The following TNRC6A variants were observed in gnomAD, a reference collection of about 807,000 sequenced individuals.
TNRC6A encodes the protein trinucleotide repeat-containing gene 6A protein.
TNRC6A carries 44 observed loss-of-function variants against 221.2 expected under a neutral mutation model. The ratio of observed to expected loss-of-function variants is 0.20; its 90% CI spans 0.16 to 0.26. The LOEUF (loss-of-function observed/expected upper bound fraction) is 0.26, where lower values mean the gene tolerates loss of function less well. TNRC6A is among the 10% of genes least tolerant of loss of function. The pLI is 1.00. For missense variants in TNRC6A, 2,199 were observed against 2,404.4 expected (o/e 0.91, Z 1.79); for synonymous variants, 847 against 838.5 (o/e 1.01, Z -0.18).
chr16:24,714,365 G>A (rs2056271018), intron 2 of TNRC6A, among the ~76,000 whole-genome samples: 1 of 130,134 alleles, frequency 7.7e-6, no homozygotes, highest in Non-Finnish European at 1.5e-5. Context: ...CTGGAGTGCA[G>A]TGGCGCAGTC....
intron 4 of TNRC6A, among the ~76,000 whole-genome samples, chr16:24,764,575 G>T (rs1013142941): frequency 1.3e-5 from 2 of 152,018 alleles, no homozygotes; most frequent in African/African-American, 4.8e-5. Flanking sequence ...CGCCCACCTA[G>T]CCTCCCAAAG....
At chr16:24,756,626 A>G (rs2057257670) in intron 3 of TNRC6A, among the ~76,000 whole-genome samples, 3 of 152,150 alleles carry the variant, frequency 2.0e-5, no homozygotes, top group Non-Finnish European at 4.4e-5. Flanking sequence ...TTTATGTTGT[A>G]AGGCCTAAAA....
chr16:24,655,561 T>C (rs1454840603), intron 2 of TNRC6A, among the ~76,000 whole-genome samples: 1 of 151,900 alleles, frequency 6.6e-6, no homozygotes, highest in African/African-American at 2.4e-5. Flanking sequence ...TGGTGGCACA[T>C]GTCTGTAATC....
chr16:24,731,547 C>T (rs915430126), intron 2 of TNRC6A, among the ~76,000 whole-genome samples: 1 of 152,094 alleles, frequency 6.6e-6, no homozygotes, highest in African/African-American at 2.4e-5. Context: ...GGTATATTTA[C>T]ATAAATTTTG....
At chr16:24,770,541 G>A (rs1054767749) in intron 4 of TNRC6A, among the ~76,000 whole-genome samples, 3 of 152,144 alleles carry the variant, frequency 2.0e-5, no homozygotes, top group Non-Finnish European at 4.4e-5. Flanking sequence ...ACTAGATACA[G>A]GGGAGTAGGG....
At chr16:24,709,877 G>A (rs976619755) in intron 2 of TNRC6A, among the ~76,000 whole-genome samples, 5 of 149,136 alleles carry the variant, frequency 3.4e-5, no homozygotes, top group Non-Finnish European at 5.9e-5. Flanking sequence ...ATTCCACTTC[G>A]ATGATTCTCT....
chr16:24,798,010 C>A, intron 11 of TNRC6A, 44 bp downstream of exon 11: 1 of 1,529,666 alleles, frequency 6.5e-7, no homozygotes, highest in Non-Finnish European at 9.0e-7. Flanking sequence ...TTGAGGGACA[C>A]GCACATCCAT....
intron 5 of TNRC6A, among the ~76,000 whole-genome samples, chr16:24,787,409 A>G (rs1237767174): frequency 6.6e-6 from 1 of 152,202 alleles, no homozygotes; most frequent in Non-Finnish European, 1.5e-5. Flanking sequence ...AAGTGAAGGT[A>G]ATACCTATCC....
At chr16:24,821,927 C>A in intron 22 of TNRC6A, 150 bp from the exon 23 acceptor site, 1 of 708,742 alleles carries the variant, frequency 1.4e-6, no homozygotes, top group Non-Finnish European at 2.5e-6. Context: ...ATGGCTAGGG[C>A]GAGCTGAAAT....
chr16:24,683,024 G>C (rs1174895001), intron 2 of TNRC6A, among the ~76,000 whole-genome samples: 1 of 152,212 alleles, frequency 6.6e-6, no homozygotes, highest in Non-Finnish European at 1.5e-5. Context: ...TCACCAGCTA[G>C]TTTTGGAGGC....
chr16:24,614,931 A>T (rs758224503), intron 1 of TNRC6A, among the ~76,000 whole-genome samples: 1 of 152,136 alleles, frequency 6.6e-6, no homozygotes, highest in Non-Finnish European at 1.5e-5. Context: ...TTAGCCAGGC[A>T]TGGTGACCGG....
Position 24,790,705 on chromosome 16 carries a change from G to A in TNRC6A, c.2063G>A (p.Gly688Glu). The A allele has an allele frequency of 6.8e-6, 11 of 1,614,146 alleles. No individual in the cohort carries two copies. Among genetic ancestry groups the A allele is most frequent in the Non-Finnish European group, 9.3e-6 (11 of 1,180,022 alleles). The change falls in exon 6 of 25, where the codon GGG becomes GAG. Residue 688 changes from glycine (G) to glutamate (E), a missense_variant. Physicochemically the swap from Gly to Glu is moderately conservative, Grantham distance 98. This residue lies in a region of TNRC6A where 1,405 missense variants were observed against 1,400.2 expected (regional missense o/e 1.00). Transcript: ENST00000395799. Reference protein sequence around the residue: ...STGRLEEKGTGESQSRDRRKI... With the variant: ...STGRLEEKGTEESQSRDRRKI... ...GGACGCCTTGAGGAAAAAGGAACTG[G>A]GGAAAGTCAGAGTAGAGACAGAAGA...
intron 2 of TNRC6A, among the ~76,000 whole-genome samples, chr16:24,731,208 T>C (rs2056632408): frequency 6.6e-6 from 1 of 152,204 alleles, no homozygotes; most frequent in Non-Finnish European, 1.5e-5. Flanking sequence ...TTTTTTCTTT[T>C]TTTTCACTTG....
chr16:24,722,197 G>A (rs1056411456), intron 2 of TNRC6A, among the ~76,000 whole-genome samples: 2 of 152,142 alleles, frequency 1.3e-5, no homozygotes, highest in African/African-American at 4.8e-5. Flanking sequence ...GATCACTAGA[G>A]GCCAGGCATT....
At chr16:24,612,896 A>T (rs1900125800) in intron 1 of TNRC6A, among the ~76,000 whole-genome samples, 1 of 152,110 alleles carries the variant, frequency 6.6e-6, no homozygotes, top group Admixed American at 6.6e-5. Flanking sequence ...ACAAGATGAT[A>T]TATTGTTTCA....
rs139339490 is a variant in TNRC6A, at chr16:24,735,233, T to G, written c.53+4933T>G. ...GGTGGAGGTTGCAGTGAGCCGAGAT[T>G]GTGCCACTGCGCTCCAGCCTGGGCA... On this transcript the variant is annotated intron_variant, in intron 2 of 24. Transcript: ENST00000395799. Among the ~76,000 whole-genome samples the G allele has an allele frequency of 9.5e-4, 144 of 152,256 alleles. 3 individuals carry two copies. The East Asian group carries it at 0.021, about 22-fold the overall frequency.
intron 16 of TNRC6A, 51 bp downstream of exon 16, chr16:24,806,334 G>A (rs1316852400): frequency 6.3e-7 from 1 of 1,593,968 alleles, no homozygotes; most frequent in Non-Finnish European, 8.6e-7. Context: ...AATAAACTCT[G>A]CTTATCTCCA....
intron 2 of TNRC6A, among the ~76,000 whole-genome samples, chr16:24,745,795 T>TC (rs4038329): frequency 0.019 from 2,253 of 118,204 alleles, 67 homozygotes; most frequent in African/African-American, 0.038. Context: ...GTATGTACCA[T>TC]CCCCCCCCCC....
At chr16:24,822,208 C>A in intron 23 of TNRC6A, 61 bp downstream of exon 23, 1 of 1,547,820 alleles carries the variant, frequency 6.5e-7, no homozygotes, top group Non-Finnish European at 8.9e-7. Flanking sequence ...AACAGAGGTT[C>A]GGGTCTGTAT....
Sources: gnomAD v4.1 joint callset for allele counts (sites outside exome capture counted in the v4.1 genomes callset) on GRCh38, gnomAD v4.1.1 for gene constraint, gnomAD v4.1.1 regional missense constraint, MANE v1.5 for transcripts, NCBI Gene and HGNC (gene_info 2026-07-23, HGNC 2026-07-21) for gene names.